The following COL4A4 variants were observed in gnomAD, a reference collection of about 807,000 sequenced individuals.
The protein encoded by COL4A4 is collagen type IV alpha 4 chain.
A neutral mutation model predicts 192.9 loss-of-function variants in COL4A4; 105 were observed. That is an observed-to-expected ratio of 0.54 (90% CI 0.46 to 0.64). The LOEUF (loss-of-function observed/expected upper bound fraction) is 0.64. Ranked by LOEUF, COL4A4 falls within the 30% of genes least tolerant of loss-of-function variation. The probability of loss-of-function intolerance (pLI) is 0.00; values close to 1 mark genes in which losing one functional copy is unlikely to be tolerated. For synonymous variants in COL4A4, 762 were observed against 769.9 expected, an observed-to-expected ratio of 0.99 and a Z score of 0.17; for missense variants, 1,967 against 2,169.3, an observed-to-expected ratio of 0.91 and a Z score of 1.85.
At chr2:226,967,515 C>T in the COL4A4 span, among the ~76,000 whole-genome samples, 7 of 148,192 alleles carry the variant, frequency 4.7e-5, no homozygotes, top group East Asian at 1.4e-3. Flanking sequence ...GGTATATCTC[C>T]TAATGCTATC....
chr2:227,036,158 C>T (rs992085304), intron 37 of COL4A4, among the ~76,000 whole-genome samples: 2 of 152,144 alleles, frequency 1.3e-5, no homozygotes, highest in African/African-American at 4.8e-5. Flanking sequence ...GCTAAACAAC[C>T]ATCATTTAAG....
intron 23 of COL4A4, among the ~76,000 whole-genome samples, chr2:227,081,696 T>TA (rs1165679137): frequency 1.3e-5 from 2 of 152,144 alleles, no homozygotes; most frequent in South Asian, 2.1e-4. Context: ...CTCTTACTAA[T>TA]AAAAAACACT....
rs528715767 is a variant in COL4A4 at position 227,004,639 on chromosome 2, G to GA, written c.*2685dup. The GA allele has an allele frequency of 5.1e-4, 78 of 152,408 alleles. No homozygotes were observed. Among genetic ancestry groups the GA allele is most frequent in the African/African-American group, 1.8e-3 (75 of 41,564 alleles). The allele number at this position is 152,408 out of a possible 1,614,324, so 9.4% of individuals were successfully genotyped here. A position where few individuals can be genotyped will look rare whatever the true frequency, so the allele number is the denominator to read the frequency against. ...GTGAGACGGGCACGGGGCTAAAGAG[G>GA]AGGTAGCCATCCAAAGCAGCGATGA... On this transcript the variant is annotated 3_prime_UTR_variant, in exon 48 of 48. Transcript: ENST00000396625.
chr2:227,041,872 A>AGAGAG (rs1559478872), intron 37 of COL4A4, among the ~76,000 whole-genome samples: 1 of 128,594 alleles, frequency 7.8e-6, no homozygotes, highest in African/African-American at 3.1e-5. Flanking sequence ...GAAAGAAAGA[A>AGAGAG]AGAAAGAAAG....
intron 25 of COL4A4, 51 bp downstream of exon 25, chr2:227,077,843 A>T (rs765736582): frequency 6.7e-7 from 1 of 1,500,968 alleles, no homozygotes; most frequent in Non-Finnish European, 9.1e-7. Flanking sequence ...AAGAAAAATA[A>T]ACACTTGTAC....
At chr2:227,044,147 C>A (rs896854599) in intron 35 of COL4A4, among the ~76,000 whole-genome samples, 1 of 152,220 alleles carries the variant, frequency 6.6e-6, no homozygotes, top group Non-Finnish European at 1.5e-5. Flanking sequence ...TGCACTGACT[C>A]ACACCACCAT....
intron 3 of COL4A4, among the ~76,000 whole-genome samples, chr2:227,142,082 A>G (rs1444077015): frequency 7.4e-6 from 1 of 134,684 alleles, no homozygotes; most frequent in Non-Finnish European, 1.6e-5. Context: ...TCACTTTAAA[A>G]TAGATTAGTA....
intron 19 of COL4A4, among the ~76,000 whole-genome samples, chr2:227,094,907 A>T (rs1452250956): frequency 6.6e-6 from 1 of 152,224 alleles, no homozygotes; most frequent in Admixed American, 6.5e-5. Context: ...TAGAAAAAAA[A>T]TAAGTGATGT....
rs2061682828 is a variant in COL4A4 at position 227,119,814 on chromosome 2, T to G, written c.372+81A>C. ...GGTTTCTATAAATATATATTTTATG[T>G]ATATATACATGTGGTTTTAAGGATT... On this transcript the variant is annotated intron_variant, in intron 6 of 47. Coordinates refer to ENST00000396625, the MANE Select transcript of COL4A4 (RefSeq NM_000092.5). 5 of 726,230 alleles carry G rather than the reference T, an allele frequency of 6.9e-6. No individual in the cohort carries two copies. In the South Asian group the frequency reaches 1.2e-4, roughly 17 times the overall value. The allele number at this position is 726,230 out of a possible 1,614,324, so 45.0% of individuals were successfully genotyped here.
At chr2:227,066,751 G>A (rs1319918899) in intron 25 of COL4A4, among the ~76,000 whole-genome samples, 1 of 151,632 alleles carries the variant, frequency 6.6e-6, no homozygotes, top group South Asian at 2.1e-4. Context: ...GGTACCAGCT[G>A]CTGCAAAATC....
intron 4 of COL4A4, among the ~76,000 whole-genome samples, chr2:227,126,223 G>A (rs546088556): frequency 6.6e-6 from 1 of 152,334 alleles, no homozygotes; most frequent in South Asian, 2.1e-4. Context: ...GTTATATGCA[G>A]ATACTATGCA....
intron 9 of COL4A4, among the ~76,000 whole-genome samples, chr2:227,111,079 C>T (rs1488060603): frequency 6.6e-6 from 1 of 152,148 alleles, no homozygotes; most frequent in African/African-American, 2.4e-5. Context: ...GGTGCCCCTA[C>T]AGAAAACAAA....
chr2:227,108,317 A>C (rs1053501462), intron 12 of COL4A4, among the ~76,000 whole-genome samples: 1 of 152,230 alleles, frequency 6.6e-6, no homozygotes, highest in Non-Finnish European at 1.5e-5. Context: ...TGGACATAAT[A>C]TATTGTCAAA....
intron 21 of COL4A4, among the ~76,000 whole-genome samples, chr2:227,089,480 A>G (rs903743166): frequency 2.0e-5 from 3 of 151,600 alleles, no homozygotes; most frequent in Admixed American, 6.6e-5. Context: ...TAGGTCCCAC[A>G]AAAATCAAAC....
the COL4A4 span, among the ~76,000 whole-genome samples, chr2:226,987,367 G>T: frequency 5.4e-3 from 827 of 152,250 alleles, 10 homozygotes; most frequent in African/African-American, 0.019. Context: ...ATGGGAGGAC[G>T]GCACTGAAGA....
At chr2:226,992,431 A>T in the COL4A4 span, among the ~76,000 whole-genome samples, 5 of 152,244 alleles carry the variant, frequency 3.3e-5, no homozygotes, top group Non-Finnish European at 5.9e-5. Flanking sequence ...TGGCTTTTGT[A>T]TCAATAACAC....
chr2:226,986,574 GA>G, the COL4A4 span, among the ~76,000 whole-genome samples: 1 of 152,148 alleles, frequency 6.6e-6, no homozygotes, highest in Non-Finnish European at 1.5e-5. Context: ...AGAAGCATAT[GA>G]AAAAAAGCTC....
Position 227,022,267 on chromosome 2 carries a change from T to C in COL4A4, c.4091-94A>G, listed in dbSNP as rs1015201936. ...GGTTAAAGTTGGACTTCTGACACTA[T>C]ACTGAAATTTAGTACAAATTCAGTA... On this transcript the variant is annotated intron_variant, in intron 43 of 47. Coordinates refer to ENST00000396625, the MANE Select transcript of COL4A4 (RefSeq NM_000092.5). 3.6e-6 allele frequency: 5 copies of C among 1,379,340 alleles called. No homozygotes were observed. In the African/African-American group the frequency reaches 7.1e-5, roughly 20 times the overall value. The allele number at this position is 1,379,340 out of a possible 1,614,324, so 85.4% of individuals were successfully genotyped here. A position where few individuals can be genotyped will look rare whatever the true frequency, so the allele number is the denominator to read the frequency against.
Position 227,118,636 on chromosome 2 carries a change from G to T in COL4A4, c.489+9C>A. The T allele has an allele frequency of 6.3e-7, 1 of 1,583,990 alleles. No individual in the cohort carries two copies. Among genetic ancestry groups the T allele is most frequent in the Non-Finnish European group, 8.7e-7 (1 of 1,152,730 alleles). ...AGATTCCTGTTAAGATGAACTGTGG[G>T]TATCTTACTAGGGGGCCTCCTGGGC... On this transcript the variant is annotated intron_variant, in intron 7 of 47. Coordinates refer to ENST00000396625, the MANE Select transcript of COL4A4 (RefSeq NM_000092.5).
Sources: allele counts gnomAD v4.1 joint callset (sites outside exome capture counted in the v4.1 genomes callset), GRCh38; gene constraint gnomAD v4.1.1; transcripts MANE v1.5; gene names NCBI Gene and HGNC (gene_info 2026-07-23, HGNC 2026-07-21).